PTPRD: variants seen among roughly 807,000 people sequenced by gnomAD.
PTPRD encodes protein tyrosine phosphatase receptor type D, also known as receptor-type tyrosine-protein phosphatase delta.
In PTPRD, 34 loss-of-function variants were observed where a neutral mutation model predicts 214.5. The observed-to-expected ratio is 0.16, with a 90% CI of 0.12 to 0.21. The LOEUF (loss-of-function observed/expected upper bound fraction) is 0.21, where lower values mean the gene tolerates loss of function less well. Ranked by LOEUF, PTPRD falls within the 10% of genes least tolerant of loss-of-function variation. The pLI is 1.00. For synonymous variants in PTPRD, 1,128 were observed against 845.7 expected (o/e 1.33, Z -5.79); for missense variants, 2,545 against 2,398.7 (o/e 1.06, Z -1.27).
At chr9:9,620,256 A>G (rs1028306981) in intron 7 of PTPRD, among the ~76,000 whole-genome samples, 3 of 152,186 alleles carry the variant, frequency 2.0e-5, no homozygotes, top group African/African-American at 7.2e-5. Flanking sequence ...TTCAGAGCAT[A>G]AAAGGATACC....
chr9:9,300,771 A>C (rs1954960963), intron 9 of PTPRD, among the ~76,000 whole-genome samples: 2 of 151,854 alleles, frequency 1.3e-5, no homozygotes, highest in Admixed American at 1.3e-4. Flanking sequence ...GTGAAAAATA[A>C]ATTTCTGCTG....
At chr9:10,054,415 G>A (rs73390259) in intron 3 of PTPRD, among the ~76,000 whole-genome samples, 4 of 152,238 alleles carry the variant, frequency 2.6e-5, no homozygotes, top group African/African-American at 9.6e-5. Context: ...CTAGAACCAA[G>A]ATGCCCTTAA....
intron 11 of PTPRD, among the ~76,000 whole-genome samples, chr9:8,843,113 G>A (rs147240620): frequency 6.6e-6 from 1 of 152,254 alleles, no homozygotes; most frequent in African/African-American, 2.4e-5. Flanking sequence ...AGTCACAATG[G>A]CTGAAGACAA....
intron 5 of PTPRD, among the ~76,000 whole-genome samples, chr9:9,781,517 G>C (rs1415821705): frequency 6.6e-6 from 1 of 152,146 alleles, no homozygotes; most frequent in Non-Finnish European, 1.5e-5. Context: ...ATAATATACA[G>C]TTGCCTAATT....
At chr9:9,762,825 T>A (rs146768115) in intron 6 of PTPRD, among the ~76,000 whole-genome samples, 3 of 152,244 alleles carry the variant, frequency 2.0e-5, no homozygotes, top group African/African-American at 7.2e-5. Context: ...TGTCAAAGTT[T>A]GTCTTAATCA....
chr9:8,850,161 G>T (rs2097783616), intron 11 of PTPRD, among the ~76,000 whole-genome samples: 1 of 152,060 alleles, frequency 6.6e-6, no homozygotes, highest in Admixed American at 6.5e-5. Context: ...ACAATGTTTG[G>T]GATACAGGAG....
chr9:9,219,127 T>C (rs1340250363), intron 9 of PTPRD, among the ~76,000 whole-genome samples: 1 of 152,140 alleles, frequency 6.6e-6, no homozygotes, highest in Non-Finnish European at 1.5e-5. Flanking sequence ...AAATCCTTTT[T>C]AGATTTCAAT....
At chr9:8,986,453 C>G (rs990944134) in intron 11 of PTPRD, among the ~76,000 whole-genome samples, 1 of 151,490 alleles carries the variant, frequency 6.6e-6, no homozygotes, top group African/African-American at 2.4e-5. Context: ...ATATTATATG[C>G]ATATATGTCA....
rs573565606 is a variant in PTPRD, at chr9:9,444,405, T to A, written c.-236-46923A>T. 5.3e-5 allele frequency among the ~76,000 whole-genome samples: 8 copies of A among 152,306 alleles called. No homozygotes were observed. In the South Asian group the frequency reaches 1.7e-3, roughly 32 times the overall value. On this transcript the variant is annotated intron_variant, in intron 8 of 45. Coordinates refer to ENST00000381196, the MANE Select transcript of PTPRD (RefSeq NM_002839.4). ...TCAAACAATAATCTCTCCTATGTGA[T>A]CCCATCTTTAATTCTCAGACCCAAA...
At chr9:10,080,333 C>G (rs2098215488) in intron 3 of PTPRD, among the ~76,000 whole-genome samples, 1 of 152,094 alleles carries the variant, frequency 6.6e-6, no homozygotes, top group African/African-American at 2.4e-5. Context: ...AATGCTGTAT[C>G]TCCTTTATTA....
chr9:9,140,121 G>A (rs1020143427), intron 10 of PTPRD, among the ~76,000 whole-genome samples: 5 of 150,796 alleles, frequency 3.3e-5, no homozygotes, highest in African/African-American at 9.8e-5. Context: ...TTTCTGGAAT[G>A]AAGTTACTAT....
chr9:9,304,175 A>C (rs1366181258), intron 9 of PTPRD, among the ~76,000 whole-genome samples: 1 of 152,118 alleles, frequency 6.6e-6, no homozygotes, highest in Non-Finnish European at 1.5e-5. Context: ...AAGTTCCCTC[A>C]ACAATAGATT....
At chr9:9,628,980 T>C (rs2095505005) in intron 7 of PTPRD, among the ~76,000 whole-genome samples, 1 of 151,802 alleles carries the variant, frequency 6.6e-6, no homozygotes, top group Non-Finnish European at 1.5e-5. Flanking sequence ...GAGACCAGCC[T>C]GACCAACATG....
rs372064349 is a variant in PTPRD at position 8,735,352 on chromosome 9, CA to C, written c.-103-1407del. Among the ~76,000 whole-genome samples, 637 of 151,898 alleles carry C rather than the reference CA, an allele frequency of 4.2e-3. 4 individuals carry two copies. The highest frequency in any genetic ancestry group is 0.015 in the African/African-American group (604 of 41,410). On this transcript the variant is annotated intron_variant, in intron 11 of 45. Coordinates refer to ENST00000381196, the MANE Select transcript of PTPRD (RefSeq NM_002839.4). ...AGAGGCAAGGTTTCACCATGTTAAC[CA>C]AGCTGGTCTCAAACTCCTGGCATCA...
intron 3 of PTPRD, among the ~76,000 whole-genome samples, chr9:10,188,991 T>G (rs563956718): frequency 3.3e-5 from 5 of 152,130 alleles, no homozygotes; most frequent in African/African-American, 4.8e-5. Context: ...GTCTTACATG[T>G]AGGGTATTCC....
At chr9:8,693,672 TAATC>T (rs1164783092) in intron 12 of PTPRD, among the ~76,000 whole-genome samples, 1 of 152,168 alleles carries the variant, frequency 6.6e-6, no homozygotes, top group Admixed American at 6.5e-5. Flanking sequence ...TGTAGCGTGT[TAATC>T]AAGGTAAGTG....
chr9:8,893,802 G>A (rs1286463019), intron 11 of PTPRD, among the ~76,000 whole-genome samples: 1 of 152,072 alleles, frequency 6.6e-6, no homozygotes, highest in East Asian at 1.9e-4. Flanking sequence ...CTATCAAAGT[G>A]GAAACACATT....
intron 12 of PTPRD, among the ~76,000 whole-genome samples, chr9:8,699,378 T>C (rs1264930737): frequency 6.6e-6 from 1 of 152,196 alleles, no homozygotes; most frequent in African/African-American, 2.4e-5. Flanking sequence ...AAAAGATTAA[T>C]TCCTGAAATA....
chr9:10,461,329 T>G (rs1267029088), intron 2 of PTPRD, among the ~76,000 whole-genome samples: 1 of 149,896 alleles, frequency 6.7e-6, no homozygotes, highest in Non-Finnish European at 1.5e-5. Flanking sequence ...CTAATGAAAT[T>G]AAAAATAGAA....
Sources: gnomAD v4.1 joint callset for allele counts (sites outside exome capture counted in the v4.1 genomes callset) on GRCh38, gnomAD v4.1.1 for gene constraint, MANE v1.5 for transcripts, NCBI Gene and HGNC (gene_info 2026-07-23, HGNC 2026-07-21) for gene names.